Variants in AMPH observed in about 807,000 individuals in gnomAD.
The protein encoded by AMPH is amphiphysin.
In AMPH, 49 loss-of-function variants were observed where a neutral mutation model predicts 99.1. The observed-to-expected ratio is 0.49, with a 90% CI of 0.39 to 0.63. The LOEUF is 0.63. AMPH is among the 20% of genes least tolerant of loss of function. The pLI is 0.00. For missense variants in AMPH, 759 were observed against 863.4 expected, an observed-to-expected ratio of 0.88 and a Z score of 1.52; for synonymous variants, 314 against 317.3, an observed-to-expected ratio of 0.99 and a Z score of 0.11.
At chr7:38,561,439 G>C (rs1237201440) in intron 1 of AMPH, among the ~76,000 whole-genome samples, 1 of 152,220 alleles carries the variant, frequency 6.6e-6, no homozygotes, top group Non-Finnish European at 1.5e-5. Flanking sequence ...AAGAAGCAGA[G>C]TGCCAACATG....
chr7:38,396,226 G>A (rs893585961), intron 17 of AMPH, among the ~76,000 whole-genome samples: 7 of 152,294 alleles, frequency 4.6e-5, no homozygotes, highest in Non-Finnish European at 5.9e-5. Flanking sequence ...ATGTGTTGTG[G>A]GAGGGACTTG....
At chr7:38,407,536 A>T (rs902505323) in intron 17 of AMPH, among the ~76,000 whole-genome samples, 1 of 152,100 alleles carries the variant, frequency 6.6e-6, no homozygotes, top group Non-Finnish European at 1.5e-5. Flanking sequence ...GTGATGGTTT[A>T]ATAGAAGCCC....
chr7:38,429,420 G>A lies in AMPH; in HGVS notation c.1182+422C>T, dbSNP rs1485538771. 3.9e-6 allele frequency: 5 copies of A among 1,293,568 alleles called. No homozygotes were observed. In the East Asian group the frequency reaches 2.2e-4, roughly 57 times the overall value. The allele number at this position is 1,293,568 out of a possible 1,614,324, so 80.1% of individuals were successfully genotyped here. On this transcript the variant is annotated intron_variant, in intron 14 of 20. Coordinates refer to ENST00000356264, the MANE Select transcript of AMPH (RefSeq NM_001635.4). ...TGCAGAGTCTTCTCCAAACCCACCT[G>A]AGGTAACTTCTTGGCTGACCCTGTC...
chr7:38,418,295 G>C (rs1215466026), intron 16 of AMPH, among the ~76,000 whole-genome samples: 2 of 152,100 alleles, frequency 1.3e-5, no homozygotes, highest in Non-Finnish European at 2.9e-5. Flanking sequence ...TTTCCAGAGA[G>C]AGAGAGACAG....
At chr7:38,586,326 A>T (rs1220556816) in intron 1 of AMPH, among the ~76,000 whole-genome samples, 1 of 152,218 alleles carries the variant, frequency 6.6e-6, no homozygotes, top group East Asian at 1.9e-4. Context: ...TTAAAAGGGC[A>T]TTCTCTGAGC....
chr7:38,570,483 T>A (rs767269796), intron 1 of AMPH, among the ~76,000 whole-genome samples: 16 of 152,282 alleles, frequency 1.1e-4, no homozygotes, highest in Non-Finnish European at 1.9e-4. Context: ...GAAAAATTCT[T>A]ACCACCTAGT....
intron 7 of AMPH, among the ~76,000 whole-genome samples, chr7:38,466,792 C>T (rs567862998): frequency 6.6e-6 from 1 of 151,990 alleles, no homozygotes; most frequent in Non-Finnish European, 1.5e-5. Flanking sequence ...ATACAAAACC[C>T]GTAAATTAAT....
chr7:38,568,650 A>G (rs1312937240), intron 1 of AMPH, among the ~76,000 whole-genome samples: 1 of 152,210 alleles, frequency 6.6e-6, no homozygotes, highest in Non-Finnish European at 1.5e-5. Context: ...CAACAGGAAG[A>G]GTGCTGTATT....
At chr7:38,400,453 G>A (rs374100956) in intron 17 of AMPH, among the ~76,000 whole-genome samples, 5 of 152,328 alleles carry the variant, frequency 3.3e-5, no homozygotes, top group African/African-American at 9.6e-5. Flanking sequence ...TCATGCCAGG[G>A]TCCCCTAAAC....
intron 1 of AMPH, among the ~76,000 whole-genome samples, chr7:38,565,086 T>C (rs1359620416): frequency 6.8e-6 from 1 of 146,984 alleles, no homozygotes; most frequent in Non-Finnish European, 1.5e-5. Flanking sequence ...ATCGTGCCAC[T>C]GCACTCCAGC....
At chr7:38,433,804 ATTTTCT>A (rs1199231565) in intron 12 of AMPH, among the ~76,000 whole-genome samples, 1 of 151,030 alleles carries the variant, frequency 6.6e-6, no homozygotes, top group Admixed American at 6.6e-5. Context: ...ATCACCAGTT[ATTTTCT>A]TTAAAAGGAA....
At position 38,571,141 on chromosome 7, in the gene AMPH, A is replaced by T. The variant is rs1338348066; in HGVS notation, c.70-36130T>A. On this transcript the variant is annotated intron_variant, in intron 1 of 20. Transcript: ENST00000356264. The stretch of plus-strand genomic sequence containing the variant: ...AGTATATATGAATATATATATTTTT[A>T]TATATTTATGAATATATATATTTTT... Among the ~76,000 whole-genome samples, 4 of 64,896 alleles carry T rather than the reference A, an allele frequency of 6.2e-5. No individual in the cohort carries two copies. The East Asian group carries it at 9.1e-4, about 15-fold the overall frequency. 42.6% of individuals were successfully genotyped at this position (64,896 alleles called of 152,430 possible).
chr7:38,437,061 G>A (rs1786295416), intron 11 of AMPH, among the ~76,000 whole-genome samples: 1 of 152,116 alleles, frequency 6.6e-6, no homozygotes, highest in African/African-American at 2.4e-5. Flanking sequence ...TAATATTTTT[G>A]GATTAGAAAG....
Position 38,553,539 on chromosome 7 carries a change from G to A in AMPH, c.70-18528C>T, listed in dbSNP as rs79214083. 3.1e-3 allele frequency among the ~76,000 whole-genome samples: 478 copies of A among 152,322 alleles called. 3 individuals carry two copies. The highest frequency in any genetic ancestry group is 0.011 in the African/African-American group (438 of 41,572). On this transcript the variant is annotated intron_variant, in intron 1 of 20. Coordinates refer to ENST00000356264, the MANE Select transcript of AMPH (RefSeq NM_001635.4). ...GAGGGATCACACGTGCCATTTTAAA[G>A]CACATCAAGCAGTGTGCATTTAAAT...
At chr7:38,468,051 C>T (rs1481673014) in intron 7 of AMPH, among the ~76,000 whole-genome samples, 1 of 152,084 alleles carries the variant, frequency 6.6e-6, no homozygotes, top group Non-Finnish European at 1.5e-5. Flanking sequence ...TTATTCATTT[C>T]CTTAGGACAG....
At chr7:38,596,305 G>A (rs1035092131) in intron 1 of AMPH, among the ~76,000 whole-genome samples, 7 of 152,134 alleles carry the variant, frequency 4.6e-5, no homozygotes, top group Non-Finnish European at 7.4e-5. Flanking sequence ...CAGCTTCTAG[G>A]AGCCAACAGT....
In AMPH at chr7:38,588,055, G is replaced by A. The variant is rs534658871; in HGVS notation, c.69+43228C>T. Among the ~76,000 whole-genome samples, 9 of 151,944 alleles carry A rather than the reference G, an allele frequency of 5.9e-5. 1 individual carries two copies. In the South Asian group the frequency reaches 6.2e-4, roughly 11 times the overall value. ...CAGCCTCGACCTCCTGGGCTCAAGC[G>A]ATCCCCCCACCTCTGCCTCCCAAGT... On this transcript the variant is annotated intron_variant, in intron 1 of 20. Coordinates refer to ENST00000356264, the MANE Select transcript of AMPH (RefSeq NM_001635.4).
intron 1 of AMPH, among the ~76,000 whole-genome samples, chr7:38,558,158 CTAAAG>C (rs1346401246): frequency 1.3e-5 from 2 of 152,150 alleles, no homozygotes; most frequent in African/African-American, 4.8e-5. Context: ...GACTTCAGTG[CTAAAG>C]TAAAGAATCT....
intron 1 of AMPH, among the ~76,000 whole-genome samples, chr7:38,576,054 T>C (rs1792229882): frequency 6.6e-6 from 1 of 152,220 alleles, no homozygotes; most frequent in African/African-American, 2.4e-5. Flanking sequence ...GCCTCTGGGA[T>C]AGACTGCCTA....
Sources: allele counts gnomAD v4.1 joint callset (sites outside exome capture counted in the v4.1 genomes callset), GRCh38; gene constraint gnomAD v4.1.1; transcripts MANE v1.5; gene names NCBI Gene and HGNC (gene_info 2026-07-23, HGNC 2026-07-21).